WNT1: variants seen among roughly 807,000 people sequenced by gnomAD.
WNT1 encodes the protein Wnt family member 1.
WNT1 carries 10 observed loss-of-function variants against 21.3 expected under a neutral mutation model. The observed-to-expected ratio is 0.47, with a 90% confidence interval of 0.29 to 0.80. The LOEUF (loss-of-function observed/expected upper bound fraction) is 0.80, where lower values mean the gene tolerates loss of function less well. Ranked by LOEUF, WNT1 falls within the 30% of genes least tolerant of loss-of-function variation. WNT1 has a pLI of 0.09. For synonymous variants in WNT1, 208 were observed against 236.3 expected (o/e 0.88, Z 1.10); for missense variants, 476 against 534.1 (o/e 0.89, Z 1.07).
In WNT1 at chr12:48,979,507, A is replaced by G; in HGVS notation, c.144A>G (p.Thr48=). Reference sequence around the variant, plus strand: ...TAGCCTCCTCCACGAACCTGCTTACAGACTCCAAGAGTCTGCAACTGGTAC... The same window carrying G: ...TAGCCTCCTCCACGAACCTGCTTACGGACTCCAAGAGTCTGCAACTGGTAC... The part of the protein sequence containing the change: ...VNVASSTNLL[T]DSKSLQLVLE... The change falls in exon 2 of 4, where the codon ACA becomes ACG. Residue 48 remains threonine (T), a synonymous_variant. Transcript: ENST00000293549. This position sits in a 1 kb window ranked among gnomAD's most constrained non-coding sequence, Gnocchi z 6.0. The G allele has an allele frequency of 7.4e-6, 12 of 1,613,842 alleles. No individual in the cohort carries two copies. Among genetic ancestry groups the G allele is most frequent in the Non-Finnish European group, 1.0e-5 (12 of 1,179,962 alleles).
rs930126674 is a variant in WNT1 at position 48,978,335 on chromosome 12, C to A, written c.-316C>A. The A allele has an allele frequency of 2.5e-5, 10 of 393,594 alleles. No homozygotes were observed. Among genetic ancestry groups the A allele is most frequent in the African/African-American group, 1.7e-4 (8 of 45,800 alleles). The allele number at this position is 393,594 out of a possible 1,614,324, so 24.4% of individuals were successfully genotyped here. ...AGCTCTCGGCTCAGACGGGCGGGAA[C>A]CACAGCCCCGCTCGCTGCCCATTGT... On this transcript the variant is annotated 5_prime_UTR_variant, in exon 1 of 4. Coordinates refer to ENST00000293549, the MANE Select transcript of WNT1 (RefSeq NM_005430.4). The surrounding 1 kb of genome is among the most constrained non-coding windows in gnomAD (Gnocchi z 7.4).
rs1940966449 is a variant in WNT1 at position 48,978,615 on chromosome 12, C to A, written c.-36C>A. ...TCGCGGGCAACAACCAAAGTCGCCG[C>A]AACTGCAGCACAGAGCGGGCAAAGC... On this transcript the variant is annotated 5_prime_UTR_variant, in exon 1 of 4. Transcript: ENST00000293549. This position sits in a 1 kb window ranked among gnomAD's most constrained non-coding sequence, Gnocchi z 7.4. 1 of 1,495,672 alleles carries A rather than the reference C, an allele frequency of 6.7e-7. No individual in the cohort carries two copies. Among genetic ancestry groups the A allele is most frequent in the East Asian group, 2.4e-5 (1 of 41,750 alleles). 92.7% of individuals were successfully genotyped at this position (1,495,672 alleles called of 1,614,324 possible).
In WNT1 at chr12:48,978,708, G is replaced by C; in HGVS notation, c.58G>C (p.Ala20Pro). Residue 20 changes from alanine to proline, a missense_variant, in exon 1 of 4, where the codon GCC (alanine) becomes CCC (proline). Physicochemically the swap from Ala to Pro is conservative, Grantham distance 27 (BLOSUM62 -1). Coordinates refer to ENST00000293549, the MANE Select transcript of WNT1 (RefSeq NM_005430.4). The surrounding 1 kb of genome is among the most constrained non-coding windows in gnomAD (Gnocchi z 7.4). ...WVSATLLLAL[A>P]ALPAALAANS... ...TTCTGCTACGCTGCTGCTGGCGCTGGCCGCTCTGCCCGCAGCCCTGGCTGC... is the reference window on the plus strand; with the variant it reads ...TTCTGCTACGCTGCTGCTGGCGCTGCCCGCTCTGCCCGCAGCCCTGGCTGC... 1 of 1,604,006 alleles carries C rather than the reference G, an allele frequency of 6.2e-7. No individual in the cohort carries two copies. The highest frequency in any genetic ancestry group is 1.9e-4 in the Middle Eastern group (1 of 5,342).
At position 48,981,585 on chromosome 12, in the gene WNT1, GC is replaced by G. The variant is rs1233798164; in HGVS notation, c.1060del (p.His354ThrfsTer39). Reference sequence around the variant, plus strand: ...TGCAACTGCACCTTCCACTGGTGCTGCCACGTCAGCTGCCGCAACTGCACGC... The same window carrying G: ...TGCAACTGCACCTTCCACTGGTGCTGCACGTCAGCTGCCGCAACTGCACGC... ...ERCNCTFHWC[C>X]HVSCRNCTHT... On this transcript the variant is annotated frameshift_variant, in exon 4 of 4. Coordinates refer to ENST00000293549, the MANE Select transcript of WNT1 (RefSeq NM_005430.4). LOFTEE classifies it high-confidence loss of function. This position sits in a 1 kb window ranked among gnomAD's most constrained non-coding sequence, Gnocchi z 7.4. 2.0e-6 allele frequency: 3 copies of G among 1,502,742 alleles called. No homozygotes were observed. The highest frequency in any genetic ancestry group is 1.8e-6 in the Non-Finnish European group (2 of 1,128,322). 93.1% of individuals were successfully genotyped at this position (1,502,742 alleles called of 1,614,324 possible).
chr12:48,980,630 G>C lies in WNT1; in HGVS notation c.565G>C (p.Glu189Gln). 6.3e-7 allele frequency: 1 copy of C among 1,598,966 alleles called. No homozygotes were observed. Among genetic ancestry groups the C allele is most frequent in the South Asian group, 1.1e-5 (1 of 89,228 alleles). Residue 189 changes from glutamate to glutamine, a missense_variant, in exon 3 of 4, where the codon GAG becomes CAG. By Grantham distance (29) the Glu-to-Gln change is conservative. Coordinates refer to ENST00000293549, the MANE Select transcript of WNT1 (RefSeq NM_005430.4). This position sits in a 1 kb window ranked among gnomAD's most constrained non-coding sequence, Gnocchi z 7.0. ...CGGCCGGGAGTTCGTGGACTCCGGGGAGAAGGGGCGGGACCTGCGCTTCCT... is the reference window on the plus strand; with the variant it reads ...CGGCCGGGAGTTCGTGGACTCCGGGCAGAAGGGGCGGGACCTGCGCTTCCT... ...LFGREFVDSG[E>Q]KGRDLRFLMN... is the part of the protein sequence containing the mutation.
Position 48,981,381 on chromosome 12 carries a change from C to G in WNT1, c.854C>G (p.Ser285Cys), listed in dbSNP as rs747746279. The G allele has an allele frequency of 2.0e-5, 31 of 1,575,296 alleles. No individual in the cohort carries two copies. Among genetic ancestry groups the G allele is most frequent in the South Asian group, 1.7e-4 (15 of 86,710 alleles). ...EPEDPAHKPPSPHDLVYFEKS... is the reference protein window; with the variant it reads ...EPEDPAHKPPCPHDLVYFEKS... ...GAAGACCCGGCCCACAAACCGCCCT[C>G]CCCCCACGACCTCGTCTACTTCGAG... The change falls in exon 4 of 4, where the codon TCC becomes TGC. Residue 285 changes from serine to cysteine, a missense_variant. Transcript: ENST00000293549. The surrounding 1 kb of genome is among the most constrained non-coding windows in gnomAD (Gnocchi z 7.4).
rs970706893 is a variant in WNT1 at position 48,979,427 on chromosome 12, G to C, written c.105-41G>C. On this transcript the variant is annotated intron_variant, in intron 1 of 3. Transcript: ENST00000293549. The surrounding 1 kb of genome is among the most constrained non-coding windows in gnomAD (Gnocchi z 6.0). ...GGCACAGTTTTTATGGTTAGGGTGC[G>C]GATCCCCTTCCTGAGCCTGAGCTAT... is the stretch of plus-strand genomic sequence containing the variant. 6.4e-7 allele frequency: 1 copy of C among 1,561,872 alleles called. No individual in the cohort carries two copies. The highest frequency in any genetic ancestry group is 1.1e-5 in the South Asian group (1 of 86,974).
Position 48,979,691 on chromosome 12 carries a change from C to A in WNT1, c.328C>A (p.Pro110Thr). ...CTGGAACTGTCCCACTGCTCCAGGGCCCCACCTCTTCGGCAAGATCGTCAA... is the reference window on the plus strand; with the variant it reads ...CTGGAACTGTCCCACTGCTCCAGGGACCCACCTCTTCGGCAAGATCGTCAA... The part of the protein sequence containing the change: ...RRWNCPTAPG[P>T]HLFGKIVNRG... Residue 110 changes from proline (P) to threonine (T), a missense_variant, in exon 2 of 4, where the codon CCC (proline) becomes ACC (threonine). Pro to Thr is a conservative substitution (Grantham distance 38). Coordinates refer to ENST00000293549, the MANE Select transcript of WNT1 (RefSeq NM_005430.4). This position sits in a 1 kb window ranked among gnomAD's most constrained non-coding sequence, Gnocchi z 6.0. 10 of 1,598,758 alleles carry A rather than the reference C, an allele frequency of 6.3e-6. No individual in the cohort carries two copies. The highest frequency in any genetic ancestry group is 8.6e-6 in the Non-Finnish European group (10 of 1,168,448).
At position 48,980,606 on chromosome 12, in the gene WNT1, G is replaced by C; in HGVS notation, c.541G>C (p.Gly181Arg). The C allele has an allele frequency of 6.2e-7, 1 of 1,604,702 alleles. No individual in the cohort carries two copies. Among genetic ancestry groups the C allele is most frequent in the Non-Finnish European group, 8.5e-7 (1 of 1,175,212 alleles). Residue 181 changes from glycine (G) to arginine (R), a missense_variant, in exon 3 of 4, where the codon GGC becomes CGC. Coordinates refer to ENST00000293549, the MANE Select transcript of WNT1 (RefSeq NM_005430.4). This position sits in a 1 kb window ranked among gnomAD's most constrained non-coding sequence, Gnocchi z 7.0. ...CAACATTGACTTCGGCCGCCTCTTC[G>C]GCCGGGAGTTCGTGGACTCCGGGGA... ...SDNIDFGRLF[G>R]REFVDSGEKG...
chr12:48,980,364 T>C lies in WNT1; in HGVS notation c.359-60T>C. On this transcript the variant is annotated intron_variant, in intron 2 of 3. Coordinates refer to ENST00000293549, the MANE Select transcript of WNT1 (RefSeq NM_005430.4). This position sits in a 1 kb window ranked among gnomAD's most constrained non-coding sequence, Gnocchi z 7.0. ...TGGGATTCCGGTCCCAAGCCCTTCA[T>C]GAGGGTGCTGGCCGCGCCCCGCGTA... The C allele has an allele frequency of 6.2e-7, 1 of 1,600,014 alleles. No homozygotes were observed. Among genetic ancestry groups the C allele is most frequent in the Non-Finnish European group, 8.6e-7 (1 of 1,169,358 alleles).
At position 48,979,859 on chromosome 12, in the gene WNT1, C is replaced by A; in HGVS notation, c.358+138C>A. The A allele has an allele frequency of 7.8e-7, 1 of 1,279,066 alleles. No homozygotes were observed. The highest frequency in any genetic ancestry group is 1.0e-6 in the Non-Finnish European group (1 of 962,422). 79.2% of individuals were successfully genotyped at this position (1,279,066 alleles called of 1,614,324 possible). A position where few individuals can be genotyped will look rare whatever the true frequency, so the allele number is the denominator to read the frequency against. On this transcript the variant is annotated intron_variant, in intron 2 of 3. Coordinates refer to ENST00000293549, the MANE Select transcript of WNT1 (RefSeq NM_005430.4). This position sits in a 1 kb window ranked among gnomAD's most constrained non-coding sequence, Gnocchi z 6.0. The stretch of plus-strand genomic sequence containing the variant: ...ATCAACCTTGCCAAGTGCCTCGTGC[C>A]CAGCGCCAGCTCGGGGCCAGACTTC...
Position 48,979,609 on chromosome 12 carries a change from G to A in WNT1, c.246G>A (p.Val82=), listed in dbSNP as rs1039388659. The A allele has an allele frequency of 2.5e-6, 4 of 1,614,016 alleles. No homozygotes were observed. Among genetic ancestry groups the A allele is most frequent in the African/African-American group, 1.3e-5 (1 of 74,946 alleles). ...AAAATCCGGGGATCCTGCACAGCGT[G>A]AGTGGGGGGCTGCAGAGTGCCGTGC... ...IRQNPGILHS[V]SGGLQSAVRE... The change falls in exon 2 of 4, where the codon GTG becomes GTA. Residue 82 remains valine, a synonymous_variant. Coordinates refer to ENST00000293549, the MANE Select transcript of WNT1 (RefSeq NM_005430.4). This position sits in a 1 kb window ranked among gnomAD's most constrained non-coding sequence, Gnocchi z 6.0.
rs387907353 is a variant in WNT1 at position 48,981,380 on chromosome 12, T to TC, written c.859dup (p.His287ProfsTer30). ...GGAAGACCCGGCCCACAAACCGCCC[T>TC]CCCCCCACGACCTCGTCTACTTCGA... On this transcript the variant is annotated frameshift_variant, in exon 4 of 4. Transcript: ENST00000293549. LOFTEE classifies it low-confidence loss of function (END_TRUNC). This position sits in a 1 kb window ranked among gnomAD's most constrained non-coding sequence, Gnocchi z 7.4. The TC allele has an allele frequency of 6.4e-7, 1 of 1,574,158 alleles. No homozygotes were observed. The highest frequency in any genetic ancestry group is 8.6e-7 in the Non-Finnish European group (1 of 1,159,752).
chr12:48,981,503 G>T lies in WNT1; in HGVS notation c.976G>T (p.Glu326Ter). Residue 326 changes from glutamate to a stop codon, truncating the protein, a stop_gained, in exon 4 of 4, where the codon GAG becomes TAG. Transcript: ENST00000293549. LOFTEE classifies it high-confidence loss of function. The surrounding 1 kb of genome is among the most constrained non-coding windows in gnomAD (Gnocchi z 7.4). Reference sequence around the variant, plus strand: ...CTCGTCGCCCGCGCTGGACGGCTGCGAGCTGCTCTGCTGCGGCAGGGGCCA... The same window carrying T: ...CTCGTCGCCCGCGCTGGACGGCTGCTAGCTGCTCTGCTGCGGCAGGGGCCA... ...NSSSPALDGC[E>*]LLCCGRGHRT... is the part of the protein sequence containing the mutation. 6.5e-7 allele frequency: 1 copy of T among 1,550,050 alleles called. No individual in the cohort carries two copies.
In WNT1 at chr12:48,981,717, G is replaced by C. The variant is rs767267224; in HGVS notation, c.*77G>C. The stretch of plus-strand genomic sequence containing the variant: ...ACAGACTCGCTAGCACTCAAGACCC[G>C]GTTATTCGCCCACCCGAGTACCTCC... On this transcript the variant is annotated 3_prime_UTR_variant, in exon 4 of 4. Coordinates refer to ENST00000293549, the MANE Select transcript of WNT1 (RefSeq NM_005430.4). This position sits in a 1 kb window ranked among gnomAD's most constrained non-coding sequence, Gnocchi z 7.4. The C allele has an allele frequency of 3.6e-6, 5 of 1,401,134 alleles. 1 individual carries two copies. Among genetic ancestry groups the C allele is most frequent in the Non-Finnish European group, 4.6e-6 (5 of 1,083,594 alleles). The allele number at this position is 1,401,134 out of a possible 1,614,324, so 86.8% of individuals were successfully genotyped here.
chr12:48,979,800 G>C lies in WNT1; in HGVS notation c.358+79G>C. ...CCCAGGGCATGGGCGGGCGAGTTCAGAGAAGGTGTCCCAGGCGCCTGGAGG... is the reference window on the plus strand; with the variant it reads ...CCCAGGGCATGGGCGGGCGAGTTCACAGAAGGTGTCCCAGGCGCCTGGAGG... On this transcript the variant is annotated intron_variant, in intron 2 of 3. Coordinates refer to ENST00000293549, the MANE Select transcript of WNT1 (RefSeq NM_005430.4). The surrounding 1 kb of genome is among the most constrained non-coding windows in gnomAD (Gnocchi z 6.0). 2 of 1,462,596 alleles carry C rather than the reference G, an allele frequency of 1.4e-6. No homozygotes were observed. Among genetic ancestry groups the C allele is most frequent in the Non-Finnish European group, 1.8e-6 (2 of 1,110,672 alleles). 90.6% of individuals were successfully genotyped at this position (1,462,596 alleles called of 1,614,324 possible).
Position 48,980,465 on chromosome 12 carries a change from G to A in WNT1, c.400G>A (p.Gly134Arg), listed in dbSNP as rs1940995028. The change falls in exon 3 of 4, where the codon GGG becomes AGG. Residue 134 changes from glycine (G) to arginine (R), a missense_variant. Transcript: ENST00000293549. This position sits in a 1 kb window ranked among gnomAD's most constrained non-coding sequence, Gnocchi z 7.0. ...GTTTATCTTCGCTATCACCTCCGCCGGGGTCACCCATTCGGTGGCGCGCTC... is the reference window on the plus strand; with the variant it reads ...GTTTATCTTCGCTATCACCTCCGCCAGGGTCACCCATTCGGTGGCGCGCTC... ...TAFIFAITSA[G>R]VTHSVARSCS... is the part of the protein sequence containing the mutation. The A allele has an allele frequency of 1.2e-6, 2 of 1,614,208 alleles. No individual in the cohort carries two copies. The highest frequency in any genetic ancestry group is 1.1e-5 in the South Asian group (1 of 91,088).
At position 48,980,466 on chromosome 12, in the gene WNT1, G is replaced by T; in HGVS notation, c.401G>T (p.Gly134Val). The T allele has an allele frequency of 6.2e-7, 1 of 1,614,220 alleles. No individual in the cohort carries two copies. Among genetic ancestry groups the T allele is most frequent in the Middle Eastern group, 1.6e-4 (1 of 6,062 alleles). Residue 134 changes from glycine to valine, a missense_variant, in exon 3 of 4, where the codon GGG becomes GTG. Transcript: ENST00000293549. This position sits in a 1 kb window ranked among gnomAD's most constrained non-coding sequence, Gnocchi z 7.0. The part of the protein sequence containing the change: ...TAFIFAITSA[G>V]VTHSVARSCS... ...TTTATCTTCGCTATCACCTCCGCCG[G>T]GGTCACCCATTCGGTGGCGCGCTCC...
chr12:48,979,354 T>A lies in WNT1; in HGVS notation c.105-114T>A. ...AGCCTGGGAGAGCGGGTATTATTAA[T>A]CTCCCGCCATTCTCTCCAGCCACAT... is the stretch of plus-strand genomic sequence containing the variant. On this transcript the variant is annotated intron_variant, in intron 1 of 3. Transcript: ENST00000293549. The surrounding 1 kb of genome is among the most constrained non-coding windows in gnomAD (Gnocchi z 6.0). 2 of 1,339,882 alleles carry A rather than the reference T, an allele frequency of 1.5e-6. No homozygotes were observed. The highest frequency in any genetic ancestry group is 2.0e-6 in the Non-Finnish European group (2 of 989,670). The allele number at this position is 1,339,882 out of a possible 1,614,324, so 83.0% of individuals were successfully genotyped here.
Sources: allele counts gnomAD v4.1 joint callset, GRCh38; gene constraint gnomAD v4.1.1; non-coding constraint Gnocchi (gnomAD v3.1); transcripts MANE v1.5; gene names NCBI Gene and HGNC (gene_info 2026-07-23, HGNC 2026-07-21).